OSTN: variants seen among roughly 807,000 people sequenced by gnomAD.
OSTN encodes osteocrin.
A neutral mutation model predicts 12.0 loss-of-function variants in OSTN; 9 were observed. The observed-to-expected ratio is 0.75, with a 90% confidence interval of 0.45 to 1.30. OSTN has a LOEUF of 1.30. Among genes scored for constraint, OSTN ranks in the 50% most tolerant of loss-of-function variants. OSTN has a pLI of 0.00. For synonymous variants in OSTN, 59 were observed against 56.9 expected, an observed-to-expected ratio of 1.04 and a Z score of -0.16; for missense variants, 148 against 152.3, an observed-to-expected ratio of 0.97 and a Z score of 0.15.
chr3:191,241,420 G>T (rs1480824231), intron 3 of OSTN, among the ~76,000 whole-genome samples: 1 of 151,752 alleles, frequency 6.6e-6, no homozygotes, highest in Non-Finnish European at 1.5e-5. Context: ...TCCTGACCTC[G>T]TGATCCACCC....
At chr3:191,242,946 C>A (rs1380976602) in intron 3 of OSTN, among the ~76,000 whole-genome samples, 13 of 151,312 alleles carry the variant, frequency 8.6e-5, no homozygotes, top group Non-Finnish European at 1.6e-4. Context: ...TCAAAGCCCT[C>A]CTACAGATAA....
At chr3:191,206,000 C>T (rs1236880926) in intron 1 of OSTN, among the ~76,000 whole-genome samples, 2 of 152,144 alleles carry the variant, frequency 1.3e-5, no homozygotes, top group African/African-American at 4.8e-5. Flanking sequence ...GCCTGGCCAA[C>T]ATGGCGAAAC....
chr3:191,228,633 A>G (rs1424944932), intron 3 of OSTN: 1 of 152,224 alleles, frequency 6.6e-6, no homozygotes, highest in Non-Finnish European at 1.5e-5. Context: ...GTTTAAATCT[A>G]TGACTGAAAA....
chr3:191,212,509 A>G, intron 1 of OSTN, 24 bp from the exon 2 acceptor site: 2 of 1,481,730 alleles, frequency 1.3e-6, no homozygotes, highest in Non-Finnish European at 1.8e-6. Context: ...AATCAATGCT[A>G]ACTATGACAT....
intron 1 of OSTN, among the ~76,000 whole-genome samples, chr3:191,199,625 G>C (rs1408001423): frequency 2.6e-5 from 4 of 151,946 alleles, no homozygotes; most frequent in South Asian, 2.1e-4. Context: ...CCTCAAAATT[G>C]TGTAATATTA....
chr3:191,243,357 A>G (rs1363746023), intron 3 of OSTN, among the ~76,000 whole-genome samples: 1 of 152,188 alleles, frequency 6.6e-6, no homozygotes, highest in African/African-American at 2.4e-5. Context: ...ACAGTACATA[A>G]CAACAACAAG....
rs755551908 is a variant in OSTN, at chr3:191,265,367, G to A, written c.*2514G>A. On this transcript the variant is annotated 3_prime_UTR_variant, in exon 5 of 5. Transcript: ENST00000682035. ...AATCAAATTTCATAAAAGGATGTTA[G>A]TTACTGGCTATGTTGTCCTAAAATT... 2.6e-5 allele frequency: 4 copies of A among 152,142 alleles called. No homozygotes were observed. Among genetic ancestry groups the A allele is most frequent in the Admixed American group, 6.5e-5 (1 of 15,274 alleles). 9.4% of individuals were successfully genotyped at this position (152,142 alleles called of 1,614,324 possible). A position where few individuals can be genotyped will look rare whatever the true frequency, so the allele number is the denominator to read the frequency against.
intron 3 of OSTN, among the ~76,000 whole-genome samples, chr3:191,234,832 C>T (rs942886314): frequency 6.6e-6 from 1 of 151,540 alleles, no homozygotes; most frequent in Non-Finnish European, 1.5e-5. Flanking sequence ...TCCTCTTCCT[C>T]TATTCTGTCT....
chr3:191,256,267 G>C (rs1367432163), intron 4 of OSTN, among the ~76,000 whole-genome samples: 1 of 152,030 alleles, frequency 6.6e-6, no homozygotes, highest in African/African-American at 2.4e-5. Context: ...ATAATGCAAA[G>C]TAAAACACAT....
chr3:191,262,025 C>T (rs1223059483), intron 4 of OSTN, among the ~76,000 whole-genome samples: 5 of 151,996 alleles, frequency 3.3e-5, no homozygotes, highest in African/African-American at 7.3e-5. Context: ...GAGACCCGCC[C>T]GGCGAACATG....
intron 2 of OSTN, among the ~76,000 whole-genome samples, chr3:191,215,223 A>G (rs146285144): frequency 0.024 from 3,649 of 152,294 alleles, 164 homozygotes; most frequent in African/African-American, 0.084. Flanking sequence ...GTGAGAACTC[A>G]CTATCATGAG....
At chr3:191,248,203 GA>G (rs978688538) in intron 3 of OSTN, among the ~76,000 whole-genome samples, 5 of 151,230 alleles carry the variant, frequency 3.3e-5, no homozygotes, top group African/African-American at 7.3e-5. Flanking sequence ...TGTAGTCAAG[GA>G]AAAAAAATGA....
chr3:191,251,964 CT>C (rs1338616811), intron 4 of OSTN, among the ~76,000 whole-genome samples: 4 of 152,184 alleles, frequency 2.6e-5, no homozygotes, highest in Non-Finnish European at 5.9e-5. Flanking sequence ...CCACATATAC[CT>C]TTACCACCCT....
intron 3 of OSTN, among the ~76,000 whole-genome samples, chr3:191,222,764 C>G (rs1020744012): frequency 6.6e-6 from 1 of 151,992 alleles, no homozygotes; most frequent in Non-Finnish European, 1.5e-5. Flanking sequence ...TCCCATGATC[C>G]CCTCGTGTTA....
At chr3:191,241,714 T>C (rs575805638) in intron 3 of OSTN, among the ~76,000 whole-genome samples, 1 of 152,242 alleles carries the variant, frequency 6.6e-6, no homozygotes, top group African/African-American at 2.4e-5. Flanking sequence ...TCAAACAACA[T>C]CTAGACATGG....
rs1409850525 is a variant in OSTN at position 191,212,909 on chromosome 3, C to T, written c.102+275C>T. On this transcript the variant is annotated intron_variant, in intron 2 of 4. Transcript: ENST00000682035. ...TTTTTGAGACAGAGTCTCACTCTGT[C>T]GCCCAGGCTGGAGTGCAGTGGTGCA... Among the ~76,000 whole-genome samples, 6 of 114,200 alleles carry T rather than the reference C, an allele frequency of 5.3e-5. No homozygotes were observed. The East Asian group carries it at 8.6e-4, about 16-fold the overall frequency. 74.9% of individuals were successfully genotyped at this position (114,200 alleles called of 152,430 possible).
In OSTN at chr3:191,201,846, A is replaced by G. The variant is rs7641253; in HGVS notation, c.-1+2539A>G. On this transcript the variant is annotated intron_variant, in intron 1 of 4. Coordinates refer to ENST00000682035, the MANE Select transcript of OSTN (RefSeq NM_198184.2). ...AGTAAAAACATTTTGAAAAGTTGCC[A>G]TATTTCAAAGGCAATATCAGGATAA... Among the ~76,000 whole-genome samples the G allele has an allele frequency of 6.6e-5, 10 of 152,144 alleles. No homozygotes were observed. In the East Asian group the frequency reaches 1.2e-3, roughly 18 times the overall value.
chr3:191,216,762 A>T (rs1024919058), intron 2 of OSTN, among the ~76,000 whole-genome samples: 1 of 152,228 alleles, frequency 6.6e-6, no homozygotes, highest in Non-Finnish European at 1.5e-5. Flanking sequence ...CCTCATCTGC[A>T]TCTGAGATCA....
At chr3:191,250,195 C>G (rs1715528674) in intron 4 of OSTN, 62 bp downstream of exon 4, 2 of 1,217,950 alleles carry the variant, frequency 1.6e-6, no homozygotes, top group Admixed American at 3.5e-5. Context: ...TCACAATGGA[C>G]TAATCAATCC....
Sources: gnomAD v4.1 joint callset for allele counts (sites outside exome capture counted in the v4.1 genomes callset) on GRCh38, gnomAD v4.1.1 for gene constraint, MANE v1.5 for transcripts, NCBI Gene and HGNC (gene_info 2026-07-23, HGNC 2026-07-21) for gene names.